Variants in CCDC178 observed in about 807,000 individuals in gnomAD.
The protein encoded by CCDC178 is coiled-coil domain containing 178.
A neutral mutation model predicts 117.4 loss-of-function variants in CCDC178; 126 were observed. That is an observed-to-expected ratio of 1.07 (90% CI 0.93 to 1.24). The LOEUF is 1.24. Among genes scored for constraint, CCDC178 ranks in the 50% most tolerant of loss-of-function variants. The pLI is 0.00. For synonymous variants in CCDC178, 283 were observed against 313.4 expected, an observed-to-expected ratio of 0.90 and a Z score of 1.02; for missense variants, 1,030 against 986.9, an observed-to-expected ratio of 1.04 and a Z score of -0.59.
intron 12 of CCDC178, among the ~76,000 whole-genome samples, chr18:33,277,662 T>C (rs1039117307): frequency 2.0e-5 from 3 of 152,156 alleles, no homozygotes; most frequent in African/African-American, 2.4e-5. Flanking sequence ...GAATGTATTA[T>C]GTTTTCACAG....
chr18:33,039,532 G>A (rs1042271118), intron 21 of CCDC178, among the ~76,000 whole-genome samples: 13 of 152,084 alleles, frequency 8.5e-5, no homozygotes, highest in African/African-American at 3.1e-4. Context: ...CCTATGCATG[G>A]GCTAACACCA....
intron 9 of CCDC178, 150 bp downstream of exon 9, chr18:33,346,061 C>G (rs2062888166): frequency 3.6e-6 from 2 of 550,084 alleles, no homozygotes; most frequent in East Asian, 6.4e-5. Context: ...CTCCTGGGCT[C>G]AAGTGATCCG....
At chr18:33,423,912 C>T (rs2064072061) in intron 2 of CCDC178, among the ~76,000 whole-genome samples, 2 of 152,148 alleles carry the variant, frequency 1.3e-5, no homozygotes, top group Non-Finnish European at 2.9e-5. Flanking sequence ...AAACCTAATA[C>T]TTATCTGTAT....
chr18:33,399,091 A>C (rs1029504602), intron 3 of CCDC178, among the ~76,000 whole-genome samples: 1 of 152,014 alleles, frequency 6.6e-6, no homozygotes, highest in African/African-American at 2.4e-5. Context: ...TCCCAGCTAC[A>C]CGGGAGGCTG....
chr18:33,216,586 TC>T (rs368998712), intron 18 of CCDC178, among the ~76,000 whole-genome samples: 1 of 152,070 alleles, frequency 6.6e-6, no homozygotes, highest in African/African-American at 2.4e-5. Flanking sequence ...TCTTCTATTT[TC>T]CCCATATGCT....
chr18:33,134,532 T>C (rs2058102753), intron 20 of CCDC178, among the ~76,000 whole-genome samples: 2 of 152,052 alleles, frequency 1.3e-5, no homozygotes, highest in African/African-American at 4.8e-5. Flanking sequence ...CTGAAATATG[T>C]AATTTATTCT....
intron 11 of CCDC178, among the ~76,000 whole-genome samples, chr18:33,301,155 C>G (rs1321467574): frequency 6.6e-6 from 1 of 152,142 alleles, no homozygotes; most frequent in Non-Finnish European, 1.5e-5. Flanking sequence ...TCAAAGGACC[C>G]CAGGTATGGT....
intron 14 of CCDC178, among the ~76,000 whole-genome samples, chr18:33,256,843 T>G (rs972672010): frequency 2.6e-5 from 4 of 152,088 alleles, no homozygotes; most frequent in African/African-American, 9.7e-5. Flanking sequence ...CCAGTTTTAA[T>G]TTTTACAAGT....
chr18:33,048,463 G>C (rs551237591), intron 21 of CCDC178, among the ~76,000 whole-genome samples: 1 of 152,092 alleles, frequency 6.6e-6, no homozygotes, highest in Non-Finnish European at 1.5e-5. Context: ...TTATGAAATA[G>C]AGTCATTCTT....
chr18:33,241,740 C>T (rs1240401288), intron 15 of CCDC178, among the ~76,000 whole-genome samples: 1 of 151,452 alleles, frequency 6.6e-6, no homozygotes, highest in Non-Finnish European at 1.5e-5. Context: ...AATGGAAAAA[C>T]ATCCAATGCT....
At chr18:33,186,215 A>G (rs1160397320) in intron 20 of CCDC178, among the ~76,000 whole-genome samples, 1 of 152,098 alleles carries the variant, frequency 6.6e-6, no homozygotes, top group Non-Finnish European at 1.5e-5. Context: ...AAAATTACAT[A>G]TCACTCTTTC....
chr18:33,292,628 A>G (rs2060181934), intron 12 of CCDC178, among the ~76,000 whole-genome samples: 1 of 151,986 alleles, frequency 6.6e-6, no homozygotes, highest in Admixed American at 6.6e-5. Flanking sequence ...ATGTTACCCT[A>G]ATTTGATCAT....
At chr18:33,355,082 CTTGAGAACAGTTTA>C (rs1225715218) in intron 7 of CCDC178, among the ~76,000 whole-genome samples, 6 of 152,076 alleles carry the variant, frequency 3.9e-5, no homozygotes, top group Non-Finnish European at 8.8e-5. Flanking sequence ...TTTGGGTTCC[CTTGAGAACAGTTTA>C]TGTTAATTTA....
chr18:33,054,024 A>T (rs1035084059), intron 21 of CCDC178, among the ~76,000 whole-genome samples: 6 of 152,150 alleles, frequency 3.9e-5, no homozygotes, highest in African/African-American at 1.4e-4. Flanking sequence ...AATGTCCAAG[A>T]TCTACTCAGA....
chr18:33,047,154 G>A (rs2056659447), intron 21 of CCDC178, among the ~76,000 whole-genome samples: 2 of 152,120 alleles, frequency 1.3e-5, no homozygotes, highest in African/African-American at 4.8e-5. Flanking sequence ...AAAAAGCAAA[G>A]ATGTCACAAC....
intron 21 of CCDC178, among the ~76,000 whole-genome samples, chr18:32,980,815 AAAATT>A (rs1406919550): frequency 1.3e-5 from 2 of 152,194 alleles, no homozygotes; most frequent in African/African-American, 4.8e-5. Flanking sequence ...AGATGTGAAA[AAAATT>A]AAACTCATAT....
At chr18:33,148,293 G>A (rs756117846) in intron 20 of CCDC178, among the ~76,000 whole-genome samples, 87 of 152,144 alleles carry the variant, frequency 5.7e-4, no homozygotes, top group Non-Finnish European at 8.7e-4. Flanking sequence ...GCGTGGCGGC[G>A]CGTGCCTGCA....
intron 6 of CCDC178, among the ~76,000 whole-genome samples, chr18:33,361,314 T>C (rs1339631427): frequency 6.6e-6 from 1 of 151,672 alleles, no homozygotes; most frequent in Non-Finnish European, 1.5e-5. Context: ...TTGGCTCTTA[T>C]CTTAAACAAT....
chr18:33,249,710 C>A lies in CCDC178; in HGVS notation c.1410-4282G>T, dbSNP rs538719253. ...TTGAAGTGAGGGAGTGTGATGCCTTCAGCTTTGTTCTTTTGGCTTAGGATT... is the reference window on the plus strand; with the variant it reads ...TTGAAGTGAGGGAGTGTGATGCCTTAAGCTTTGTTCTTTTGGCTTAGGATT... On this transcript the variant is annotated intron_variant, in intron 14 of 22. Coordinates refer to ENST00000383096, the MANE Select transcript of CCDC178 (RefSeq NM_001105528.4). Among the ~76,000 whole-genome samples, 17 of 152,170 alleles carry A rather than the reference C, an allele frequency of 1.1e-4. No homozygotes were observed. The East Asian group carries it at 2.5e-3, about 23-fold the overall frequency.
Sources: gnomAD v4.1 joint callset for allele counts (sites outside exome capture counted in the v4.1 genomes callset) on GRCh38, gnomAD v4.1.1 for gene constraint, MANE v1.5 for transcripts, NCBI Gene and HGNC (gene_info 2026-07-23, HGNC 2026-07-21) for gene names.